GRIK1: variants seen among roughly 807,000 people sequenced by gnomAD.
GRIK1 encodes glutamate ionotropic receptor kainate type subunit 1, also known as glutamate receptor ionotropic, kainate 1.
Under a neutral mutation model 105.7 loss-of-function variants are expected in GRIK1, and 69 were observed. The ratio of observed to expected loss-of-function variants is 0.65; its 90% CI spans 0.54 to 0.80. The LOEUF (loss-of-function observed/expected upper bound fraction) is 0.80. GRIK1 is among the 30% of genes least tolerant of loss of function. GRIK1 has a pLI of 0.00. For synonymous variants in GRIK1, 438 were observed against 431.3 expected, an observed-to-expected ratio of 1.02 and a Z score of -0.19; for missense variants, 1,109 against 1,167.3, an observed-to-expected ratio of 0.95 and a Z score of 0.73.
intron 15 of GRIK1, among the ~76,000 whole-genome samples, chr21:29,556,269 T>G (rs1348129252): frequency 2.0e-5 from 3 of 152,222 alleles, no homozygotes; most frequent in Non-Finnish European, 2.9e-5. Context: ...ACCAGTTTAA[T>G]ATGTATGTTT....
At chr21:29,569,931 A>G (rs958379513) in intron 14 of GRIK1, among the ~76,000 whole-genome samples, 7 of 152,170 alleles carry the variant, frequency 4.6e-5, no homozygotes, top group Admixed American at 6.5e-5. Flanking sequence ...TGTCTTGGAT[A>G]TAAAAGATGG....
intron 5 of GRIK1, among the ~76,000 whole-genome samples, chr21:29,652,501 G>T (rs999819706): frequency 6.6e-6 from 1 of 152,038 alleles, no homozygotes; most frequent in African/African-American, 2.4e-5. Flanking sequence ...TCTTAATAAG[G>T]GAACCCATTC....
At chr21:29,656,902 TC>T (rs1343205452) in intron 4 of GRIK1, among the ~76,000 whole-genome samples, 1 of 152,070 alleles carries the variant, frequency 6.6e-6, no homozygotes, top group African/African-American at 2.4e-5. Context: ...GACAGGAAAC[TC>T]CATGAATCAT....
At chr21:29,814,810 G>A (rs2145904452) in intron 1 of GRIK1, among the ~76,000 whole-genome samples, 1 of 150,166 alleles carries the variant, frequency 6.7e-6, no homozygotes, top group African/African-American at 2.5e-5. Flanking sequence ...GGCATTTTGA[G>A]GTTAAGTTTT....
chr21:29,623,043 T>A (rs919236986), intron 7 of GRIK1, among the ~76,000 whole-genome samples: 2 of 152,202 alleles, frequency 1.3e-5, no homozygotes, highest in African/African-American at 4.8e-5. Context: ...AGTTATTGTA[T>A]CAGTCTGTTC....
At chr21:29,598,500 A>T (rs1166782430) in intron 8 of GRIK1, among the ~76,000 whole-genome samples, 2 of 152,200 alleles carry the variant, frequency 1.3e-5, no homozygotes, top group Non-Finnish European at 2.9e-5. Flanking sequence ...TGCTTTTCCA[A>T]GTCTAAACTC....
intron 1 of GRIK1, among the ~76,000 whole-genome samples, chr21:29,726,512 T>C (rs2064466674): frequency 6.6e-6 from 1 of 152,236 alleles, no homozygotes; most frequent in South Asian, 2.1e-4. Context: ...TAAAATCCCC[T>C]ATAATTCCAT....
At chr21:29,640,498 A>C (rs1892649) in intron 7 of GRIK1, among the ~76,000 whole-genome samples, 47,774 of 152,034 alleles carry the variant, frequency 0.31, 7,788 homozygotes, top group African/African-American at 0.4. Flanking sequence ...CCCTTCCTGT[A>C]ACCCCTAACT....
intron 14 of GRIK1, among the ~76,000 whole-genome samples, chr21:29,564,721 G>T (rs2146191527): frequency 6.6e-6 from 1 of 152,276 alleles, no homozygotes; most frequent in Middle Eastern, 3.4e-3. Context: ...GAATATGTAG[G>T]TCATACCACC....
chr21:29,866,546 C>T (rs1015595275), intron 1 of GRIK1, among the ~76,000 whole-genome samples: 15 of 152,014 alleles, frequency 9.9e-5, no homozygotes, highest in African/African-American at 3.6e-4. Flanking sequence ...TTATTATTAA[C>T]AATAAATCAC....
At chr21:29,640,161 TAA>T (rs11341269) in intron 7 of GRIK1, among the ~76,000 whole-genome samples, 31 of 146,746 alleles carry the variant, frequency 2.1e-4, no homozygotes, top group Middle Eastern at 6.9e-3. Context: ...GAGAATAACT[TAA>T]AAAAAAAAAA....
chr21:29,585,490 A>T (rs1826824021), intron 12 of GRIK1, among the ~76,000 whole-genome samples: 1 of 152,140 alleles, frequency 6.6e-6, no homozygotes, highest in Admixed American at 6.5e-5. Context: ...GTAATAAACA[A>T]TGTATTTGCT....
intron 1 of GRIK1, among the ~76,000 whole-genome samples, chr21:29,815,634 G>C (rs2067134844): frequency 6.6e-6 from 1 of 152,020 alleles, no homozygotes; most frequent in Admixed American, 6.5e-5. Flanking sequence ...ATTATTAAAA[G>C]AGCTCATATA....
chr21:29,723,970 T>C (rs142368642), intron 1 of GRIK1, among the ~76,000 whole-genome samples: 7 of 152,334 alleles, frequency 4.6e-5, no homozygotes, highest in Non-Finnish European at 1.0e-4. Context: ...TCCTGCACTT[T>C]CCATTCATGA....
intron 8 of GRIK1, chr21:29,596,828 A>G (rs981913194): frequency 5.1e-5 from 25 of 494,608 alleles, no homozygotes; most frequent in Middle Eastern, 5.7e-4. Context: ...AATGCCTTAA[A>G]GTGCTTTTCA....
intron 1 of GRIK1, among the ~76,000 whole-genome samples, chr21:29,777,878 G>T (rs945418846): frequency 6.6e-6 from 1 of 152,146 alleles, no homozygotes; most frequent in Non-Finnish European, 1.5e-5. Context: ...GTCAAGTGAG[G>T]GAAGAGTCAA....
chr21:29,697,949 T>TC (rs201410090), intron 1 of GRIK1, among the ~76,000 whole-genome samples: 5 of 124,826 alleles, frequency 4.0e-5, no homozygotes, highest in African/African-American at 7.5e-5. Flanking sequence ...TTTCTTTCTT[T>TC]TTTCTTTCTT....
chr21:29,928,427 TC>T (rs1188797466), intron 1 of GRIK1, among the ~76,000 whole-genome samples: 1 of 152,114 alleles, frequency 6.6e-6, no homozygotes, highest in African/African-American at 2.4e-5. Context: ...GACAATAAAA[TC>T]CCTTAGATCT....
At chr21:29,920,859 GTCC>G (rs1273646037) in intron 1 of GRIK1, among the ~76,000 whole-genome samples, 1 of 152,096 alleles carries the variant, frequency 6.6e-6, no homozygotes, top group Non-Finnish European at 1.5e-5. Context: ...TTTGCCATGA[GTCC>G]TCCTGATTCA....
Sources: allele counts gnomAD v4.1 joint callset (sites outside exome capture counted in the v4.1 genomes callset), GRCh38; gene constraint gnomAD v4.1.1; transcripts MANE v1.5; gene names NCBI Gene and HGNC (gene_info 2026-07-23, HGNC 2026-07-21).